PDE4D: variants seen among roughly 807,000 people sequenced by gnomAD.
PDE4D encodes phosphodiesterase 4D.
A neutral mutation model predicts 87.4 loss-of-function variants in PDE4D; 24 were observed. That is an observed-to-expected ratio of 0.27 (90% CI 0.20 to 0.39). PDE4D has a LOEUF of 0.39. PDE4D is among the 10% of genes least tolerant of loss of function. PDE4D has a pLI of 1.00. For synonymous variants in PDE4D, 384 were observed against 383.2 expected, an observed-to-expected ratio of 1.00 and a Z score of -0.02; for missense variants, 714 against 1,041.0, an observed-to-expected ratio of 0.69 and a Z score of 4.32.
intron 1 of PDE4D, among the ~76,000 whole-genome samples, chr5:59,659,258 A>C (rs905181044): frequency 6.6e-5 from 10 of 152,380 alleles, no homozygotes; most frequent in Non-Finnish European, 1.0e-4. Flanking sequence ...CATAGAGTAA[A>C]TAGTGTCTTA....
At chr5:60,047,225 A>G (rs1194841944) in intron 2 of PDE4D, among the ~76,000 whole-genome samples, 1 of 152,062 alleles carries the variant, frequency 6.6e-6, no homozygotes, top group African/African-American at 2.4e-5. Flanking sequence ...CCCCTTTATC[A>G]TTTTTTATTG....
intron 1 of PDE4D, among the ~76,000 whole-genome samples, chr5:59,462,294 G>A (rs968323525): frequency 6.6e-6 from 1 of 151,752 alleles, no homozygotes; most frequent in African/African-American, 2.4e-5. Context: ...CTATTTCCTT[G>A]GATTCTACCA....
At chr5:59,699,017 A>AT (rs1385250642) in intron 1 of PDE4D, among the ~76,000 whole-genome samples, 1 of 152,080 alleles carries the variant, frequency 6.6e-6, no homozygotes, top group Admixed American at 6.6e-5. Context: ...TCTTCATTAC[A>AT]TTTTCCACCA....
chr5:60,415,560 G>C (rs985463748), intron 1 of PDE4D, among the ~76,000 whole-genome samples: 5 of 152,216 alleles, frequency 3.3e-5, no homozygotes, highest in Admixed American at 6.5e-5. Flanking sequence ...GCGGCAGGCC[G>C]GCCCCGCCAC....
chr5:59,660,006 G>A (rs944793454), intron 1 of PDE4D, among the ~76,000 whole-genome samples: 10 of 152,044 alleles, frequency 6.6e-5, no homozygotes, highest in Non-Finnish European at 1.2e-4. Flanking sequence ...GCAACATGGC[G>A]AGGCCCCATC....
chr5:59,956,536 G>T (rs1197319298), intron 3 of PDE4D, among the ~76,000 whole-genome samples: 4 of 152,184 alleles, frequency 2.6e-5, no homozygotes, highest in Non-Finnish European at 5.9e-5. Context: ...GCCCCTGTGT[G>T]CTTGTGAACC....
At chr5:59,920,339 T>C (rs1051645669) in intron 3 of PDE4D, among the ~76,000 whole-genome samples, 2 of 152,248 alleles carry the variant, frequency 1.3e-5, no homozygotes, top group African/African-American at 4.8e-5. Flanking sequence ...AATAACTGTA[T>C]TTCTATTACA....
chr5:60,324,057 C>T (rs1171927239), intron 1 of PDE4D, among the ~76,000 whole-genome samples: 1 of 152,148 alleles, frequency 6.6e-6, no homozygotes, highest in African/African-American at 2.4e-5. Context: ...AAATGCCTCA[C>T]TAAAAGGTAA....
At chr5:59,579,247 G>A (rs1438765696) in intron 1 of PDE4D, among the ~76,000 whole-genome samples, 1 of 152,078 alleles carries the variant, frequency 6.6e-6, no homozygotes, top group Non-Finnish European at 1.5e-5. Context: ...TTCTGTGGCT[G>A]TTCTCCAGAC....
At chr5:59,478,264 T>G (rs1238273217) in intron 1 of PDE4D, among the ~76,000 whole-genome samples, 18 of 152,110 alleles carry the variant, frequency 1.2e-4, no homozygotes, top group Non-Finnish European at 1.5e-5. Flanking sequence ...ATGGGAATAT[T>G]TACATCTATT....
intron 4 of PDE4D, among the ~76,000 whole-genome samples, chr5:59,182,217 C>G (rs1170631383): frequency 6.6e-6 from 1 of 151,696 alleles, no homozygotes; most frequent in Non-Finnish European, 1.5e-5. Flanking sequence ...TGAAATAGCT[C>G]TGGTCTATAT....
chr5:60,078,505 C>A (rs373447520), intron 2 of PDE4D, among the ~76,000 whole-genome samples: 1 of 151,942 alleles, frequency 6.6e-6, no homozygotes, highest in Non-Finnish European at 1.5e-5. Flanking sequence ...TGGTTTTCTG[C>A]ACCTATTGAC....
chr5:60,416,086 G>A (rs1358290555), intron 1 of PDE4D, among the ~76,000 whole-genome samples: 1 of 152,118 alleles, frequency 6.6e-6, no homozygotes, highest in African/African-American at 2.4e-5. Context: ...CTAGCTCAGG[G>A]TTTGTAAATA....
chr5:59,685,387 C>T (rs529394806), intron 1 of PDE4D, among the ~76,000 whole-genome samples: 1 of 152,272 alleles, frequency 6.6e-6, no homozygotes, highest in Admixed American at 6.5e-5. Flanking sequence ...ACTACATCAA[C>T]TCTTAGTCAT....
intron 2 of PDE4D, among the ~76,000 whole-genome samples, chr5:60,055,043 C>A (rs761797181): frequency 2.4e-4 from 37 of 151,840 alleles, no homozygotes; most frequent in Admixed American, 3.3e-4. Flanking sequence ...ATCATGTAGC[C>A]CATTACAAAG....
chr5:59,420,403 T>C lies in PDE4D; in HGVS notation c.456-204435A>G, dbSNP rs189903804. ...TTATTTTGAGATGACTTTGAACATA[T>C]ACTGAAGTCAGAGACAACAGCAACC... On this transcript the variant is annotated intron_variant, in intron 1 of 14. Coordinates refer to ENST00000340635, the MANE Select transcript of PDE4D (RefSeq NM_001104631.2). 8.3e-4 allele frequency among the ~76,000 whole-genome samples: 127 copies of C among 152,250 alleles called. 1 individual carries two copies. In the Middle Eastern group the frequency reaches 0.01, roughly 12 times the overall value.
At chr5:59,841,178 C>T (rs925374307) in intron 1 of PDE4D, among the ~76,000 whole-genome samples, 1 of 152,062 alleles carries the variant, frequency 6.6e-6, no homozygotes. Flanking sequence ...TCTAAGATAT[C>T]TTTGCTTTCT....
chr5:59,438,510 G>C (rs1358497709), intron 1 of PDE4D, among the ~76,000 whole-genome samples: 1 of 152,194 alleles, frequency 6.6e-6, no homozygotes, highest in Admixed American at 6.5e-5. Flanking sequence ...TTTTACGTTT[G>C]TCGAGTTTTT....
At chr5:59,910,076 C>T (rs940107287) in intron 3 of PDE4D, among the ~76,000 whole-genome samples, 10 of 152,164 alleles carry the variant, frequency 6.6e-5, no homozygotes, top group African/African-American at 2.2e-4. Flanking sequence ...TCCATGCTGC[C>T]TTCCTCGATC....
Sources: allele counts gnomAD v4.1 joint callset (sites outside exome capture counted in the v4.1 genomes callset), GRCh38; gene constraint gnomAD v4.1.1; transcripts MANE v1.5; gene names NCBI Gene and HGNC (gene_info 2026-07-23, HGNC 2026-07-21).